The following JAKMIP2 variants were observed in gnomAD, a reference collection of about 807,000 sequenced individuals.
The protein encoded by JAKMIP2 is janus kinase and microtubule interacting protein 2.
A neutral mutation model predicts 115.0 loss-of-function variants in JAKMIP2; 25 were observed. The observed-to-expected ratio is 0.22, with a 90% CI of 0.16 to 0.30. The LOEUF is 0.30. JAKMIP2 is among the 10% of genes least tolerant of loss of function. The pLI is 1.00. For missense variants in JAKMIP2, 642 were observed against 957.6 expected (o/e 0.67, Z 4.35); for synonymous variants, 334 against 343.6 (o/e 0.97, Z 0.31).
At chr5:147,663,942 G>C (rs183758314) in intron 2 of JAKMIP2, among the ~76,000 whole-genome samples, 6 of 152,140 alleles carry the variant, frequency 3.9e-5, no homozygotes, top group Admixed American at 3.9e-4. Flanking sequence ...TTTGAAGTGA[G>C]ATTTTCTCTC....
At chr5:147,675,247 G>GAA (rs35246628) in intron 1 of JAKMIP2, among the ~76,000 whole-genome samples, 2,381 of 150,318 alleles carry the variant, frequency 0.016, 72 homozygotes, top group African/African-American at 0.054. Context: ...AGGAAAAGGT[G>GAA]AAAAAAAAAT....
At chr5:147,614,047 T>C (rs1426723823) in intron 19 of JAKMIP2, among the ~76,000 whole-genome samples, 1 of 152,222 alleles carries the variant, frequency 6.6e-6, no homozygotes, top group East Asian at 1.9e-4. Flanking sequence ...ACGTAATTCC[T>C]TGGCATGTCT....
intron 1 of JAKMIP2, among the ~76,000 whole-genome samples, chr5:147,754,335 A>G (rs78963532): frequency 0.014 from 2,152 of 152,296 alleles, 23 homozygotes; most frequent in Non-Finnish European, 0.021. Context: ...GCCCCAGGAT[A>G]CAAAACAAAT....
At chr5:147,745,056 CA>C (rs60275664) in intron 1 of JAKMIP2, among the ~76,000 whole-genome samples, 20,269 of 88,332 alleles carry the variant, frequency 0.23, 2,323 homozygotes, top group East Asian at 0.46. Context: ...GACTCTGTCT[CA>C]AAAAAAAAAA....
Position 147,586,737 on chromosome 5 carries a change from C to G in JAKMIP2, c.*4970G>C, listed in dbSNP as rs180856112. 6.8e-6 allele frequency: 1 copy of G among 147,770 alleles called. No individual in the cohort carries two copies. Among genetic ancestry groups the G allele is most frequent in the Admixed American group, 7.0e-5 (1 of 14,358 alleles). The allele number at this position is 147,770 out of a possible 1,614,324, so 9.2% of individuals were successfully genotyped here. ...GTATATCTTTAGTAGTTTTTTTCCT[C>G]TCTCCCTCTTTTCTTTCTTTCTTTT... is the stretch of plus-strand genomic sequence containing the variant. On this transcript the variant is annotated 3_prime_UTR_variant, in exon 22 of 22. Coordinates refer to ENST00000616793, the MANE Select transcript of JAKMIP2 (RefSeq NM_001270941.2).
chr5:147,665,826 T>C (rs904950225), intron 2 of JAKMIP2, among the ~76,000 whole-genome samples: 34 of 152,230 alleles, frequency 2.2e-4, no homozygotes, highest in Non-Finnish European at 4.4e-5. Context: ...AAATTATTTA[T>C]GTCAAATTCT....
intron 1 of JAKMIP2, among the ~76,000 whole-genome samples, chr5:147,679,599 C>T (rs1244267903): frequency 6.6e-6 from 1 of 152,294 alleles, no homozygotes; most frequent in East Asian, 1.9e-4. Flanking sequence ...ATATTACCTA[C>T]CTTAATGAAG....
At chr5:147,675,399 T>C (rs1759884152) in intron 1 of JAKMIP2, among the ~76,000 whole-genome samples, 2 of 152,132 alleles carry the variant, frequency 1.3e-5, no homozygotes, top group Non-Finnish European at 2.9e-5. Context: ...TCTTCTCCAG[T>C]TGTAATGGGT....
At chr5:147,622,178 T>C (rs956940626) in intron 17 of JAKMIP2, among the ~76,000 whole-genome samples, 46 of 152,384 alleles carry the variant, frequency 3.0e-4, no homozygotes, top group African/African-American at 1.1e-3. Context: ...AATCTTGTTA[T>C]AAATTTCTAT....
chr5:147,644,732 TA>T, intron 6 of JAKMIP2, 117 bp downstream of exon 6: 1 of 902,952 alleles, frequency 1.1e-6, no homozygotes, highest in Non-Finnish European at 1.7e-6. Context: ...CTTGCTTACA[TA>T]AGGAAAAATC....
In JAKMIP2 at chr5:147,699,977, C is replaced by T. The variant is rs142274235; in HGVS notation, c.-148-28023G>A. Reference sequence around the variant, plus strand: ...CATGGTGGTGTGTGACCTAAATGTACGCTATCTATGTTGGTTGAAAGCATA... The same window carrying T: ...CATGGTGGTGTGTGACCTAAATGTATGCTATCTATGTTGGTTGAAAGCATA... On this transcript the variant is annotated intron_variant, in intron 1 of 21. Transcript: ENST00000616793. 3.3e-4 allele frequency among the ~76,000 whole-genome samples: 51 copies of T among 152,284 alleles called. No homozygotes were observed. The East Asian group carries it at 8.3e-3, about 25-fold the overall frequency.
At chr5:147,612,074 G>GA in intron 20 of JAKMIP2, 1 of 686,292 alleles carries the variant, frequency 1.5e-6, no homozygotes, top group South Asian at 1.4e-5. Flanking sequence ...AGAAAACACA[G>GA]AAAAAATAGG....
At chr5:147,686,923 C>T (rs1490556594) in intron 1 of JAKMIP2, among the ~76,000 whole-genome samples, 1 of 152,074 alleles carries the variant, frequency 6.6e-6, no homozygotes, top group African/African-American at 2.4e-5. Flanking sequence ...TTTCTATAGA[C>T]AACTTATTAG....
At chr5:147,730,358 C>T (rs1322210125) in intron 1 of JAKMIP2, among the ~76,000 whole-genome samples, 2 of 152,146 alleles carry the variant, frequency 1.3e-5, no homozygotes, top group African/African-American at 4.8e-5. Flanking sequence ...TGGCAAAAAG[C>T]CTCCACCCTC....
chr5:147,687,433 A>T (rs145366097), intron 1 of JAKMIP2, among the ~76,000 whole-genome samples: 108 of 152,306 alleles, frequency 7.1e-4, no homozygotes, highest in African/African-American at 2.5e-3. Flanking sequence ...AGGAGCTCCA[A>T]CTCCCTGGGA....
intron 1 of JAKMIP2, among the ~76,000 whole-genome samples, chr5:147,774,545 A>G (rs933938094): frequency 1.3e-5 from 2 of 152,186 alleles, no homozygotes; most frequent in African/African-American, 4.8e-5. Context: ...GTACTTATTT[A>G]AAATATTGTC....
chr5:147,648,186 T>C (rs1209852956), intron 5 of JAKMIP2, among the ~76,000 whole-genome samples, 190 bp downstream of exon 5: 1 of 152,198 alleles, frequency 6.6e-6, no homozygotes, highest in African/African-American at 2.4e-5. Flanking sequence ...GGGTGTGAGA[T>C]GCTGGTAATC....
intron 1 of JAKMIP2, among the ~76,000 whole-genome samples, chr5:147,692,250 C>T (rs998151149): frequency 6.6e-6 from 1 of 152,134 alleles, no homozygotes; most frequent in African/African-American, 2.4e-5. Flanking sequence ...AATCAAAAAA[C>T]ATCAAGGAAT....
intron 1 of JAKMIP2, among the ~76,000 whole-genome samples, chr5:147,774,345 A>T (rs1337400070): frequency 2.6e-5 from 4 of 152,148 alleles, no homozygotes; most frequent in Non-Finnish European, 4.4e-5. Flanking sequence ...TATCTTCAAA[A>T]CATCTAAGTC....
Sources: allele counts gnomAD v4.1 joint callset (sites outside exome capture counted in the v4.1 genomes callset), GRCh38; gene constraint gnomAD v4.1.1; transcripts MANE v1.5; gene names NCBI Gene and HGNC (gene_info 2026-07-23, HGNC 2026-07-21).